Variants in NF2 observed in about 807,000 individuals in gnomAD.
The protein encoded by NF2 is merlin.
NF2 carries 8 observed loss-of-function variants against 83.7 expected under a neutral mutation model. The ratio of observed to expected loss-of-function variants is 0.10; its 90% CI spans 0.06 to 0.17. The LOEUF (loss-of-function observed/expected upper bound fraction) is 0.17, where lower values mean the gene tolerates loss of function less well. Ranked by LOEUF, NF2 falls within the 10% of genes least tolerant of loss-of-function variation. NF2 has a pLI of 1.00. For synonymous variants in NF2, 266 were observed against 269.6 expected (o/e 0.99, Z 0.13); for missense variants, 533 against 744.4 (o/e 0.72, Z 3.31).
intron 15 of NF2, among the ~76,000 whole-genome samples, chr22:29,688,001 G>T (rs1357339997): frequency 1.3e-5 from 2 of 152,170 alleles, no homozygotes; most frequent in East Asian, 1.9e-4. Context: ...ATCCCTGAAG[G>T]CCACTCCTAC....
chr22:29,635,078 T>A (rs1394374858), intron 1 of NF2, among the ~76,000 whole-genome samples: 1 of 152,184 alleles, frequency 6.6e-6, no homozygotes, highest in Non-Finnish European at 1.5e-5. Context: ...CAGCTACTTG[T>A]CTGCTGTGGT....
In NF2 at chr22:29,695,760, G is replaced by A. The variant is rs917584981; in HGVS notation, c.*958G>A. On this transcript the variant is annotated 3_prime_UTR_variant, in exon 16 of 16. Coordinates refer to ENST00000338641, the MANE Select transcript of NF2 (RefSeq NM_000268.4). This position sits in a 1 kb window ranked among gnomAD's most constrained non-coding sequence, Gnocchi z 5.4. ...TGAGCTCCACCGGCCCAGTCTGCAC[G>A]GCCCATCTGCTTCACCTTCCCTCCC... is the stretch of plus-strand genomic sequence containing the variant. 3.3e-4 allele frequency: 78 copies of A among 233,940 alleles called. No individual in the cohort carries two copies. The highest frequency in any genetic ancestry group is 1.3e-3 in the Middle Eastern group (1 of 786). 14.5% of individuals were successfully genotyped at this position (233,940 alleles called of 1,614,324 possible).
At position 29,624,917 on chromosome 22, in the gene NF2, CTCTCTT is replaced by C. The variant is rs570818808; in HGVS notation, c.115-11830_115-11825del. The stretch of plus-strand genomic sequence containing the variant: ...CTCTCTTCTTTCTCTCTCTCTCTCT[CTCTCTT>C]TCTTTCTTTCTTTCTTTCTTTTTCT... On this transcript the variant is annotated intron_variant, in intron 1 of 15. Coordinates refer to ENST00000338641, the MANE Select transcript of NF2 (RefSeq NM_000268.4). 7.4e-3 allele frequency among the ~76,000 whole-genome samples: 1,099 copies of C among 149,056 alleles called. 12 individuals carry two copies. The highest frequency in any genetic ancestry group is 0.026 in the African/African-American group (1,057 of 40,122).
At chr22:29,677,815 A>G (rs771415138) in intron 13 of NF2, among the ~76,000 whole-genome samples, 43 of 152,154 alleles carry the variant, frequency 2.8e-4, no homozygotes, top group Non-Finnish European at 1.6e-4. Context: ...GAACACATCT[A>G]TTTCCTGAAC....
chr22:29,633,595 G>A (rs1049128041), intron 1 of NF2, among the ~76,000 whole-genome samples: 1 of 152,092 alleles, frequency 6.6e-6, no homozygotes, highest in South Asian at 2.1e-4. Context: ...CCTATGACTC[G>A]TCTGCTCAAG....
At chr22:29,667,623 G>A (rs2066662722) in intron 9 of NF2, among the ~76,000 whole-genome samples, 1 of 152,118 alleles carries the variant, frequency 6.6e-6, no homozygotes, top group Admixed American at 6.6e-5. Context: ...CTGGGCTCAA[G>A]GATCCTCTCA....
intron 1 of NF2, among the ~76,000 whole-genome samples, chr22:29,622,646 ATTTTTTTTTTT>A (rs35744962): frequency 2.5e-4 from 16 of 63,278 alleles, no homozygotes; most frequent in East Asian, 1.5e-3. Context: ...AAGACCCTGT[ATTTTTTTTTTT>A]TTTTTTTTTT....
At chr22:29,661,001 A>C (rs1163953861) in intron 7 of NF2, among the ~76,000 whole-genome samples, 8 of 152,260 alleles carry the variant, frequency 5.3e-5, no homozygotes, top group Non-Finnish European at 1.2e-4. Flanking sequence ...GGGACCCAGA[A>C]GTCACAAGAA....
chr22:29,630,678 C>T (rs1470160615), intron 1 of NF2, among the ~76,000 whole-genome samples: 2 of 152,234 alleles, frequency 1.3e-5, no homozygotes, highest in Non-Finnish European at 2.9e-5. Flanking sequence ...ACGCCCTCCA[C>T]CTCTCTCTTT....
rs1240025806 is a variant in NF2, at chr22:29,676,944, G to A, written c.1447-1252G>A. On this transcript the variant is annotated intron_variant, in intron 13 of 15. Coordinates refer to ENST00000338641, the MANE Select transcript of NF2 (RefSeq NM_000268.4). ...ATTTTCACAAACTGAACATACCCATGTACCCAGCACCCAGATCAGAAAACA... is the reference window on the plus strand; with the variant it reads ...ATTTTCACAAACTGAACATACCCATATACCCAGCACCCAGATCAGAAAACA... Among the ~76,000 whole-genome samples, 3 of 124,982 alleles carry A rather than the reference G, an allele frequency of 2.4e-5. 1 individual carries two copies. Among genetic ancestry groups the A allele is most frequent in the Non-Finnish European group, 5.7e-5 (3 of 52,206 alleles). 82.0% of individuals were successfully genotyped at this position (124,982 alleles called of 152,430 possible).
chr22:29,640,988 C>T lies in NF2; in HGVS notation c.364-1214C>T, dbSNP rs2065793375. Among the ~76,000 whole-genome samples, 3 of 152,124 alleles carry T rather than the reference C, an allele frequency of 2.0e-5. No homozygotes were observed. The South Asian group carries it at 6.2e-4, about 32-fold the overall frequency. ...GTCCCTACTAAAAATACAAAATTAG[C>T]CGGGCATGGTGGCACATGCCTGTAA... On this transcript the variant is annotated intron_variant, in intron 3 of 15. Coordinates refer to ENST00000338641, the MANE Select transcript of NF2 (RefSeq NM_000268.4).
chr22:29,647,893 A>T (rs1479428231), intron 4 of NF2, among the ~76,000 whole-genome samples: 1 of 152,132 alleles, frequency 6.6e-6, no homozygotes, highest in Admixed American at 6.5e-5. Context: ...AGATCCTTTT[A>T]TGTGATTCCT....
chr22:29,662,533 GTAACTAC>G (rs1239070833), intron 8 of NF2, among the ~76,000 whole-genome samples: 32 of 152,238 alleles, frequency 2.1e-4, no homozygotes, highest in Non-Finnish European at 3.2e-4. Context: ...AGGAAGTCAA[GTAACTAC>G]TCACCTGCTA....
chr22:29,649,779 CAAAA>C (rs567321314), intron 4 of NF2, among the ~76,000 whole-genome samples: 1 of 95,746 alleles, frequency 1.0e-5, no homozygotes, highest in Non-Finnish European at 2.3e-5. Flanking sequence ...GCCACTGGTA[CAAAA>C]AAAAAAAAGA....
chr22:29,644,300 C>T (rs1160193347), intron 4 of NF2, among the ~76,000 whole-genome samples: 4 of 144,306 alleles, frequency 2.8e-5, no homozygotes, highest in Non-Finnish European at 4.5e-5. Context: ...GGGGCAGAGG[C>T]GCTCCCCACA....
At chr22:29,614,204 G>A (rs967589838) in intron 1 of NF2, among the ~76,000 whole-genome samples, 4 of 151,768 alleles carry the variant, frequency 2.6e-5, no homozygotes, top group Non-Finnish European at 4.4e-5. Flanking sequence ...AGCACTTTGG[G>A]AGGCCAAGGC....
intron 15 of NF2, among the ~76,000 whole-genome samples, chr22:29,681,908 A>G (rs2067147956): frequency 6.6e-6 from 1 of 152,150 alleles, no homozygotes; most frequent in Admixed American, 6.5e-5. Flanking sequence ...AAGGGGTGTT[A>G]TACCCAGGGA....
At chr22:29,609,341 G>T (rs929530927) in intron 1 of NF2, 1 of 639,168 alleles carries the variant, frequency 1.6e-6, no homozygotes, top group Non-Finnish European at 3.0e-6. Flanking sequence ...TATAGAGGTC[G>T]CTGGTGGAAT....
intron 5 of NF2, 126 bp from the exon 6 acceptor site, chr22:29,655,468 C>T: frequency 1.3e-6 from 1 of 750,862 alleles, no homozygotes; most frequent in East Asian, 2.6e-5. Flanking sequence ...GTGACTATCT[C>T]CCTGGGTGTA....
Sources: gnomAD v4.1 joint callset for allele counts (sites outside exome capture counted in the v4.1 genomes callset) on GRCh38, gnomAD v4.1.1 for gene constraint, Gnocchi (gnomAD v3.1) non-coding constraint, MANE v1.5 for transcripts, NCBI Gene and HGNC (gene_info 2026-07-23, HGNC 2026-07-21) for gene names.